DGCR2: variants seen among roughly 807,000 people sequenced by gnomAD.
DGCR2 encodes integral membrane protein DGCR2/IDD.
In DGCR2, 24 loss-of-function variants were observed where a neutral mutation model predicts 51.6. The observed-to-expected ratio is 0.47, with a 90% CI of 0.34 to 0.65. The LOEUF (loss-of-function observed/expected upper bound fraction) is 0.65, where lower values mean the gene tolerates loss of function less well. DGCR2 is among the 30% of genes least tolerant of loss of function. The pLI is 0.01. For missense variants in DGCR2, 765 were observed against 772.1 expected (o/e 0.99, Z 0.11); for synonymous variants, 340 against 315.4 (o/e 1.08, Z -0.82).
At chr22:19,115,769 C>A (rs2083367230) in intron 1 of DGCR2, among the ~76,000 whole-genome samples, 1 of 152,192 alleles carries the variant, frequency 6.6e-6, no homozygotes, top group Non-Finnish European at 1.5e-5. Context: ...CATACGCAGT[C>A]CCTCTGATCC....
At position 19,062,864 on chromosome 22, in the gene DGCR2, A is replaced by G. The variant is rs532446101; in HGVS notation, c.625+338T>C. Among the ~76,000 whole-genome samples, 691 of 148,894 alleles carry G rather than the reference A, an allele frequency of 4.6e-3. 1 individual carries two copies. The highest frequency in any genetic ancestry group is 8.0e-3 in the Non-Finnish European group (534 of 66,468). ...TCTACGTCTGACCTTTGTCCTGGCA[A>G]GCTTGTCCTCCCCTCCAGCCTGCCA... is the stretch of plus-strand genomic sequence containing the variant. On this transcript the variant is annotated intron_variant, in intron 5 of 9. Coordinates refer to ENST00000263196, the MANE Select transcript of DGCR2 (RefSeq NM_005137.3).
intron 4 of DGCR2, among the ~76,000 whole-genome samples, chr22:19,064,382 A>G (rs1448129238): frequency 6.6e-6 from 1 of 152,220 alleles, no homozygotes; most frequent in African/African-American, 2.4e-5. Context: ...TGATTTGCCA[A>G]ACTCTCACAG....
intron 2 of DGCR2, among the ~76,000 whole-genome samples, chr22:19,086,235 T>C (rs979166034): frequency 1.3e-5 from 2 of 151,988 alleles, no homozygotes; most frequent in Non-Finnish European, 2.9e-5. Context: ...CCCAGCACTT[T>C]GGGAGGCCGA....
chr22:19,092,328 A>G (rs928812865), intron 1 of DGCR2, among the ~76,000 whole-genome samples: 8 of 146,368 alleles, frequency 5.5e-5, no homozygotes, highest in African/African-American at 2.1e-4. Context: ...TGGGCGACAG[A>G]ACGAGACTCC....
At chr22:19,060,983 G>C (rs757248520) in intron 5 of DGCR2, 4 of 356,324 alleles carry the variant, frequency 1.1e-5, no homozygotes, top group Non-Finnish European at 2.3e-5. Context: ...ACACAGAAAA[G>C]ATGGACAACA....
Position 19,084,822 on chromosome 22 carries a change from C to T in DGCR2, c.202+4546G>A, listed in dbSNP as rs1478122073. The stretch of plus-strand genomic sequence containing the variant: ...CGGGAAGGAGGTGGGGGGGCGCCTC[C>T]GCCCGGCCAGCCGCCCCGTCCGGGA... On this transcript the variant is annotated intron_variant, in intron 2 of 9. Coordinates refer to ENST00000263196, the MANE Select transcript of DGCR2 (RefSeq NM_005137.3). Among the ~76,000 whole-genome samples the T allele has an allele frequency of 2.7e-5, 4 of 150,712 alleles. No homozygotes were observed. In the South Asian group the frequency reaches 6.3e-4, roughly 24 times the overall value.
chr22:19,071,544 A>G (rs1483135259), intron 2 of DGCR2, among the ~76,000 whole-genome samples: 1 of 152,222 alleles, frequency 6.6e-6, no homozygotes, highest in Non-Finnish European at 1.5e-5. Flanking sequence ...ATTGAACGCC[A>G]TTCTACAGAA....
intron 1 of DGCR2, among the ~76,000 whole-genome samples, chr22:19,107,672 C>T (rs1601301992): frequency 6.6e-6 from 1 of 152,338 alleles, no homozygotes; most frequent in East Asian, 1.9e-4. Flanking sequence ...CCAAGCATAC[C>T]TATTCCATGA....
At chr22:19,118,604 A>G (rs781331881) in intron 1 of DGCR2, among the ~76,000 whole-genome samples, 32 of 152,184 alleles carry the variant, frequency 2.1e-4, no homozygotes, top group Non-Finnish European at 4.0e-4. Flanking sequence ...AGCTGTACCA[A>G]CAATAGAAGG....
Position 19,057,312 on chromosome 22 carries a change from C to T in DGCR2, c.626-150G>A, listed in dbSNP as rs951683134. 3.6e-5 allele frequency: 33 copies of T among 906,330 alleles called. No individual in the cohort carries two copies. Among genetic ancestry groups the T allele is most frequent in the Non-Finnish European group, 5.1e-5 (32 of 622,448 alleles). The allele number at this position is 906,330 out of a possible 1,614,324, so 56.1% of individuals were successfully genotyped here. A position where few individuals can be genotyped will look rare whatever the true frequency, so the allele number is the denominator to read the frequency against. On this transcript the variant is annotated intron_variant, in intron 5 of 9. Coordinates refer to ENST00000263196, the MANE Select transcript of DGCR2 (RefSeq NM_005137.3). The surrounding 1 kb of genome is among the most constrained non-coding windows in gnomAD (Gnocchi z 5.1). ...TGGTCACTGTGGCCAGGTGTTCACTCGGGACTCCCCAACCTCCTGGGAGTC... is the reference window on the plus strand; with the variant it reads ...TGGTCACTGTGGCCAGGTGTTCACTTGGGACTCCCCAACCTCCTGGGAGTC...
rs139200875 is a variant in DGCR2 at position 19,039,047 on chromosome 22, G to A, written c.1471C>T (p.Arg491Trp). Reference protein sequence around the residue: ...GDGGSEGALLRRLEQPLPTAG... With the variant: ...GDGGSEGALLWRLEQPLPTAG... ...GTGGGCAGAGGCTGCTCCAGGCGCCGGAGTAATGCACCTTCACTCCCACCA... is the reference window on the plus strand; with the variant it reads ...GTGGGCAGAGGCTGCTCCAGGCGCCAGAGTAATGCACCTTCACTCCCACCA... Residue 491 changes from arginine to tryptophan, a missense_variant, in exon 10 of 10, where the codon CGG becomes TGG. Arg to Trp is a moderately radical substitution (Grantham distance 101, BLOSUM62 -3). Around this residue, in one of 3 missense-constraint regions of DGCR2, gnomAD observed 205 missense variants for 181.4 expected, o/e 1.13. Coordinates refer to ENST00000263196, the MANE Select transcript of DGCR2 (RefSeq NM_005137.3). 7.9e-4 allele frequency: 1,273 copies of A among 1,613,022 alleles called. 1 individual carries two copies. The highest frequency in any genetic ancestry group is 1.0e-3 in the Non-Finnish European group (1,179 of 1,179,976).
chr22:19,083,220 G>A (rs1031462152), intron 2 of DGCR2, among the ~76,000 whole-genome samples: 8 of 152,196 alleles, frequency 5.3e-5, no homozygotes, highest in Non-Finnish European at 2.9e-5. Flanking sequence ...TTCTCCGACT[G>A]TCACAGCACT....
At chr22:19,105,967 C>A (rs1366376302) in intron 1 of DGCR2, among the ~76,000 whole-genome samples, 1 of 152,122 alleles carries the variant, frequency 6.6e-6, no homozygotes, top group Admixed American at 6.5e-5. Context: ...GCCCGTCTAG[C>A]CCCTTCCCCA....
chr22:19,096,159 A>G (rs2083137577), intron 1 of DGCR2, among the ~76,000 whole-genome samples: 1 of 151,680 alleles, frequency 6.6e-6, no homozygotes, highest in Non-Finnish European at 1.5e-5. Flanking sequence ...CAGTTTTATT[A>G]AAAATTTCTA....
intron 1 of DGCR2, among the ~76,000 whole-genome samples, chr22:19,096,040 G>C (rs2146024709): frequency 6.6e-6 from 1 of 152,258 alleles, no homozygotes; most frequent in African/African-American, 2.4e-5. Flanking sequence ...GAGTAAATCA[G>C]CAATTGGGAC....
intron 1 of DGCR2, among the ~76,000 whole-genome samples, chr22:19,098,475 T>C (rs751853177): frequency 2.0e-5 from 3 of 152,182 alleles, no homozygotes; most frequent in Admixed American, 6.5e-5. Context: ...TGCGTGGGCA[T>C]AGGCATGTCC....
chr22:19,122,031 C>A, intron 1 of DGCR2, 97 bp downstream of exon 1: 1 of 865,710 alleles, frequency 1.2e-6, no homozygotes, highest in Non-Finnish European at 1.5e-6. Context: ...CCAGGCGCGG[C>A]CCCTGCAGGA....
intron 5 of DGCR2, among the ~76,000 whole-genome samples, chr22:19,062,775 G>GCGCGCT (rs1555903875): frequency 9.2e-6 from 1 of 108,964 alleles, no homozygotes; most frequent in African/African-American, 3.6e-5. Flanking sequence ...ACACATGCAT[G>GCGCGCT]CTCACTCTCT....
rs775402087 is a variant in DGCR2 at position 19,065,084 on chromosome 22, G to C, written c.329-17C>G. 3 of 1,610,128 alleles carry C rather than the reference G, an allele frequency of 1.9e-6. No individual in the cohort carries two copies. Among genetic ancestry groups the C allele is most frequent in the Non-Finnish European group, 2.5e-6 (3 of 1,177,452 alleles). ...CTAGGAAACATAAAGGACAGAAGGG[G>C]AGTTGTCCCCCAAGTTAGGATCCAG... is the stretch of plus-strand genomic sequence containing the variant. On this transcript the variant is annotated splice_polypyrimidine_tract_variant and intron_variant, in intron 3 of 9. Coordinates refer to ENST00000263196, the MANE Select transcript of DGCR2 (RefSeq NM_005137.3).
Sources: gnomAD v4.1 joint callset for allele counts (sites outside exome capture counted in the v4.1 genomes callset) on GRCh38, gnomAD v4.1.1 for gene constraint, gnomAD v4.1.1 regional missense constraint, Gnocchi (gnomAD v3.1) non-coding constraint, MANE v1.5 for transcripts, NCBI Gene and HGNC (gene_info 2026-07-23, HGNC 2026-07-21) for gene names.